EDIL3: variants seen among roughly 807,000 people sequenced by gnomAD.
EDIL3 encodes EGF like and discoidin domains 3, also known as EGF-like repeat and discoidin I-like domain-containing protein 3.
In EDIL3, 37 loss-of-function variants were observed where a neutral mutation model predicts 67.4. The observed-to-expected ratio is 0.55, with a 90% confidence interval of 0.42 to 0.72. EDIL3 has a LOEUF of 0.72. Among genes scored for constraint, EDIL3 ranks in the 30% least tolerant of loss-of-function variants. The probability of loss-of-function intolerance (pLI) is 0.00; values close to 1 mark genes in which losing one functional copy is unlikely to be tolerated. For synonymous variants in EDIL3, 195 were observed against 196.3 expected (o/e 0.99, Z 0.05); for missense variants, 527 against 586.3 (o/e 0.90, Z 1.04).
chr5:84,116,865 T>G (rs1747674130), intron 5 of EDIL3, among the ~76,000 whole-genome samples: 1 of 152,184 alleles, frequency 6.6e-6, no homozygotes, highest in Non-Finnish European at 1.5e-5. Context: ...ACATTATCTC[T>G]TATTCAGTAG....
At position 84,246,387 on chromosome 5, in the gene EDIL3, A is replaced by G. The variant is rs147698809; in HGVS notation, c.196+7697T>C. Among the ~76,000 whole-genome samples the G allele has an allele frequency of 5.3e-3, 810 of 152,368 alleles. 4 individuals are homozygous for G. Among genetic ancestry groups the G allele is most frequent in the African/African-American group, 0.018 (731 of 41,590 alleles). On this transcript the variant is annotated intron_variant, in intron 2 of 10. Transcript: ENST00000296591. ...CTTCTATCCAGCGCCAGCTGACTGCAGACGCAGATATGAGTGCAACAAAGA... is the reference window on the plus strand; with the variant it reads ...CTTCTATCCAGCGCCAGCTGACTGCGGACGCAGATATGAGTGCAACAAAGA...
intron 2 of EDIL3, among the ~76,000 whole-genome samples, chr5:84,253,566 A>G (rs911303312): frequency 6.6e-6 from 1 of 152,190 alleles, no homozygotes; most frequent in Non-Finnish European, 1.5e-5. Flanking sequence ...ATTTTTGCAG[A>G]GCAAATTTTT....
rs759588521 is a variant in EDIL3 at position 83,943,429 on chromosome 5, T to A, written c.1433A>T (p.Glu478Val). 6 of 1,612,478 alleles carry A rather than the reference T, an allele frequency of 3.7e-6. No individual in the cohort carries two copies. The East Asian group carries it at 1.3e-4, about 36-fold the overall frequency. The change falls in exon 11 of 11, where the codon GAG becomes GTG. Residue 478 changes from glutamate (E) to valine (V), a missense_variant. By Grantham distance (121) the Glu-to-Val change is moderately radical. Coordinates refer to ENST00000296591, the MANE Select transcript of EDIL3 (RefSeq NM_005711.5). Reference sequence around the variant, plus strand: ...AAATGTAGCCTCCCCTCATTCCTCCTCTGTGCAGCCCAGCAGCTCTGACCG... The same window carrying A: ...AAATGTAGCCTCCCCTCATTCCTCCACTGTGCAGCCCAGCAGCTCTGACCG... The part of the protein sequence containing the change: ...TLRSELLGCT[E>V]EE
At chr5:84,168,435 A>T (rs549902525) in intron 4 of EDIL3, among the ~76,000 whole-genome samples, 1 of 152,288 alleles carries the variant, frequency 6.6e-6, no homozygotes, top group East Asian at 1.9e-4. Flanking sequence ...TTGTACCTGT[A>T]CATACCTATA....
intron 3 of EDIL3, among the ~76,000 whole-genome samples, chr5:84,208,176 A>G (rs1168023444): frequency 2.6e-5 from 4 of 152,170 alleles, no homozygotes; most frequent in South Asian, 4.1e-4. Context: ...TCCAGAATCT[A>G]CAATGAACTC....
Position 84,384,393 on chromosome 5 carries a change from T to A in EDIL3, c.-19A>T. ...GCTTCATGATCCCGTCTCCCGGACG[T>A]GACCCCGGCTGGTCAGGGGTCGTCG... is the stretch of plus-strand genomic sequence containing the variant. On this transcript the variant is annotated 5_prime_UTR_variant, in exon 1 of 11. Coordinates refer to ENST00000296591, the MANE Select transcript of EDIL3 (RefSeq NM_005711.5). The A allele has an allele frequency of 6.2e-7, 1 of 1,612,220 alleles. No homozygotes were observed. The highest frequency in any genetic ancestry group is 8.5e-7 in the Non-Finnish European group (1 of 1,179,266).
At chr5:84,305,600 C>T (rs73144513) in intron 1 of EDIL3, among the ~76,000 whole-genome samples, 429 of 152,326 alleles carry the variant, frequency 2.8e-3, no homozygotes, top group African/African-American at 0.01. Context: ...AAGATACAGG[C>T]CGAGTGCGGT....
chr5:83,970,684 T>TATATATATA (rs1491469489), intron 9 of EDIL3, among the ~76,000 whole-genome samples: 5 of 131,484 alleles, frequency 3.8e-5, no homozygotes, highest in African/African-American at 1.4e-4. Context: ...TATATATATA[T>TATATATATA]TTAAGAACAT....
chr5:84,265,028 C>T lies in EDIL3; in HGVS notation c.68-10816G>A, dbSNP rs77083416. ...AAACACAAGTTGGTTAACTTGATCA[C>T]TTATTAAGCAAAGTCACCTAAAAGA... On this transcript the variant is annotated intron_variant, in intron 1 of 10. Coordinates refer to ENST00000296591, the MANE Select transcript of EDIL3 (RefSeq NM_005711.5). Among the ~76,000 whole-genome samples, 275 of 152,246 alleles carry T rather than the reference C, an allele frequency of 1.8e-3. 3 individuals are homozygous for T. Among genetic ancestry groups the T allele is most frequent in the African/African-American group, 6.4e-3 (267 of 41,538 alleles).
chr5:84,309,234 T>G (rs545530165), intron 1 of EDIL3, among the ~76,000 whole-genome samples: 1 of 152,074 alleles, frequency 6.6e-6, no homozygotes, highest in Non-Finnish European at 1.5e-5. Flanking sequence ...TTGTTGGGGG[T>G]TTTGTTTGTT....
chr5:84,248,808 T>G (rs1337244870), intron 2 of EDIL3, among the ~76,000 whole-genome samples: 2 of 152,180 alleles, frequency 1.3e-5, no homozygotes, highest in African/African-American at 4.8e-5. Context: ...AATAATTGTC[T>G]ATGGTATCAT....
At chr5:84,110,148 G>A (rs184998876) in intron 5 of EDIL3, among the ~76,000 whole-genome samples, 11 of 152,202 alleles carry the variant, frequency 7.2e-5, no homozygotes, top group African/African-American at 2.4e-4. Context: ...TGCACTGAAC[G>A]TTGTTATTGG....
intron 2 of EDIL3, among the ~76,000 whole-genome samples, chr5:84,244,148 T>C (rs538201903): frequency 1.3e-5 from 2 of 152,332 alleles, no homozygotes; most frequent in Admixed American, 6.5e-5. Flanking sequence ...TGCTTTATTG[T>C]AGTAATTCCT....
At chr5:84,035,541 A>G (rs1746006688) in intron 9 of EDIL3, among the ~76,000 whole-genome samples, 1 of 152,190 alleles carries the variant, frequency 6.6e-6, no homozygotes, top group Non-Finnish European at 1.5e-5. Context: ...TTAATATTCT[A>G]CATTTCATTT....
At chr5:84,360,068 C>T (rs1747565206) in intron 1 of EDIL3, among the ~76,000 whole-genome samples, 1 of 152,156 alleles carries the variant, frequency 6.6e-6, no homozygotes, top group African/African-American at 2.4e-5. Flanking sequence ...CTGACCAAAC[C>T]ATGTTTCTAT....
chr5:83,982,328 TA>T (rs1744984187), intron 9 of EDIL3, among the ~76,000 whole-genome samples: 1 of 152,102 alleles, frequency 6.6e-6, no homozygotes, highest in South Asian at 2.1e-4. Flanking sequence ...ATTAATAACT[TA>T]AAATTAATAG....
At chr5:84,168,581 A>C (rs1044426152) in intron 4 of EDIL3, among the ~76,000 whole-genome samples, 1 of 152,214 alleles carries the variant, frequency 6.6e-6, no homozygotes, top group Non-Finnish European at 1.5e-5. Flanking sequence ...GCCCACATCT[A>C]TAGTAAAAAG....
intron 3 of EDIL3, among the ~76,000 whole-genome samples, chr5:84,190,545 A>ATGTGTG (rs1361092036): frequency 1.8e-4 from 10 of 56,626 alleles, no homozygotes; most frequent in African/African-American, 5.2e-4. Context: ...ACATATATAT[A>ATGTGTG]TATATATGTG....
intron 4 of EDIL3, among the ~76,000 whole-genome samples, chr5:84,179,809 T>C (rs1580363792): frequency 6.6e-6 from 1 of 152,144 alleles, no homozygotes; most frequent in African/African-American, 2.4e-5. Flanking sequence ...TTGACATTTA[T>C]GTTCACCCCT....
Sources: allele counts gnomAD v4.1 joint callset (sites outside exome capture counted in the v4.1 genomes callset), GRCh38; gene constraint gnomAD v4.1.1; transcripts MANE v1.5; gene names NCBI Gene and HGNC (gene_info 2026-07-23, HGNC 2026-07-21).